Variants in IL2RB observed in about 807,000 individuals in gnomAD.
The protein encoded by IL2RB is interleukin 2 receptor subunit beta, also known as interleukin-2 receptor subunit beta.
In IL2RB, 17 loss-of-function variants were observed where a neutral mutation model predicts 44.2. The ratio of observed to expected loss-of-function variants is 0.38; its 90% CI spans 0.26 to 0.58. The LOEUF is 0.58. IL2RB is among the 20% of genes least tolerant of loss of function. IL2RB has a pLI of 0.63. For synonymous variants in IL2RB, 286 were observed against 297.9 expected (o/e 0.96, Z 0.41); for missense variants, 624 against 685.5 (o/e 0.91, Z 1.00).
At chr22:37,162,440 C>A (rs770760534) in intron 1 of IL2RB, among the ~76,000 whole-genome samples, 68 of 152,234 alleles carry the variant, frequency 4.5e-4, no homozygotes, top group Non-Finnish European at 8.5e-4. Flanking sequence ...TAAATGCGCA[C>A]TTGGAAGGCC....
intron 1 of IL2RB, among the ~76,000 whole-genome samples, chr22:37,147,974 T>C (rs1439141029): frequency 6.6e-6 from 1 of 152,206 alleles, no homozygotes; most frequent in Non-Finnish European, 1.5e-5. Context: ...CAATGTTTTG[T>C]GTGGGTGTCA....
intron 8 of IL2RB, among the ~76,000 whole-genome samples, chr22:37,133,850 C>T (rs773210769): frequency 1.3e-5 from 2 of 152,214 alleles, no homozygotes; most frequent in Admixed American, 6.5e-5. Context: ...GCCACACCAG[C>T]GCCCCTGCAC....
intron 1 of IL2RB, among the ~76,000 whole-genome samples, chr22:37,166,206 G>A (rs1923073854): frequency 6.6e-6 from 1 of 152,148 alleles, no homozygotes; most frequent in African/African-American, 2.4e-5. Context: ...GCTACTGGGG[G>A]GACCCTCAAC....
At chr22:37,137,462 C>T in intron 6 of IL2RB, 125 bp downstream of exon 6, 1 of 969,574 alleles carries the variant, frequency 1.0e-6, no homozygotes, top group African/African-American at 1.6e-5. Flanking sequence ...AGAAAGAGCA[C>T]TGGACTCAGC....
intron 7 of IL2RB, 70 bp from the exon 8 acceptor site, chr22:37,135,512 A>G: frequency 1.1e-6 from 1 of 904,772 alleles, no homozygotes; most frequent in African/African-American, 1.6e-5. Context: ...TGGGTCGGTC[A>G]CCCCAACACC....
chr22:37,144,723 G>C (rs1475667607), intron 1 of IL2RB, among the ~76,000 whole-genome samples: 2 of 152,080 alleles, frequency 1.3e-5, no homozygotes, highest in South Asian at 4.2e-4. Context: ...CAGCCTGGAC[G>C]ACAGAGTAAG....
In IL2RB at chr22:37,136,097, A is replaced by G. The variant is rs1475916619; in HGVS notation, c.703+131T>C. The stretch of plus-strand genomic sequence containing the variant: ...CCTGTCTGAAAAGCGAGCCCCCTGC[A>G]GGGTTACAGCAAGTGAGGGATGGAG... On this transcript the variant is annotated intron_variant, in intron 7 of 9. Coordinates refer to ENST00000216223, the MANE Select transcript of IL2RB (RefSeq NM_000878.5). 1.8e-5 allele frequency: 18 copies of G among 980,988 alleles called. 1 individual carries two copies. The East Asian group carries it at 2.4e-4, about 13-fold the overall frequency. 60.8% of individuals were successfully genotyped at this position (980,988 alleles called of 1,614,324 possible).
At chr22:37,130,439 C>T (rs868706498) in intron 9 of IL2RB, among the ~76,000 whole-genome samples, 1 of 152,224 alleles carries the variant, frequency 6.6e-6, no homozygotes, top group African/African-American at 2.4e-5. Context: ...ACACGTTCCA[C>T]GATCCCCTGG....
At chr22:37,140,324 T>TTATTAC (rs1428163151) in intron 4 of IL2RB, among the ~76,000 whole-genome samples, 1 of 131,696 alleles carries the variant, frequency 7.6e-6, no homozygotes, top group East Asian at 2.2e-4. Flanking sequence ...ATTATTATTA[T>TTATTAC]TATTACTATT....
At chr22:37,154,171 T>C (rs1382327892), upstream of IL2RB, among the ~76,000 whole-genome samples, 1 of 152,122 alleles carries the variant, frequency 6.6e-6, no homozygotes, top group African/African-American at 2.4e-5. Flanking sequence ...GAATGGGGGA[T>C]GGTGCAGCCC....
intron 1 of IL2RB, among the ~76,000 whole-genome samples, chr22:37,155,137 C>T (rs150440445): frequency 1.2e-3 from 179 of 152,248 alleles, no homozygotes; most frequent in African/African-American, 3.3e-3. Context: ...TGAGACAGTA[C>T]GCCAGCAGAA....
upstream of IL2RB, among the ~76,000 whole-genome samples, chr22:37,152,456 C>T (rs1922527777): frequency 6.6e-6 from 1 of 152,148 alleles, no homozygotes; most frequent in Admixed American, 6.5e-5. Context: ...TATCAGTTCT[C>T]ATAGTTTTGT....
intron 1 of IL2RB, among the ~76,000 whole-genome samples, chr22:37,147,411 C>T (rs868821566): frequency 6.6e-6 from 1 of 152,322 alleles, no homozygotes; most frequent in Non-Finnish European, 1.5e-5. Context: ...ACAGCTCACA[C>T]GACAGTAAAT....
In IL2RB at chr22:37,127,141, C is replaced by T. The variant is rs1921156000; in HGVS notation, c.*955G>A. The T allele has an allele frequency of 6.6e-6, 1 of 152,214 alleles. No individual in the cohort carries two copies. The highest frequency in any genetic ancestry group is 2.4e-5 in the African/African-American group (1 of 41,444). The allele number at this position is 152,214 out of a possible 1,614,324, so 9.4% of individuals were successfully genotyped here. Reference sequence around the variant, plus strand: ...TCCAGGGTTTACTCCCCATCAGCTTCTCTTGTGGGTCTGTGAAGCCACTGT... The same window carrying T: ...TCCAGGGTTTACTCCCCATCAGCTTTTCTTGTGGGTCTGTGAAGCCACTGT... On this transcript the variant is annotated 3_prime_UTR_variant, in exon 10 of 10. Coordinates refer to ENST00000216223, the MANE Select transcript of IL2RB (RefSeq NM_000878.5).
chr22:37,154,363 T>C (rs539546073), upstream of IL2RB, among the ~76,000 whole-genome samples: 116 of 152,180 alleles, frequency 7.6e-4, no homozygotes, highest in Non-Finnish European at 1.5e-3. Context: ...GAGGGAAACC[T>C]GGTGGAATGG....
At position 37,136,335 on chromosome 22, in the gene IL2RB, G is replaced by A; in HGVS notation, c.596C>T (p.Thr199Ile). The change falls in exon 7 of 10, where the codon ACC becomes ATC. Residue 199 changes from threonine (T) to isoleucine (I), a missense_variant. Coordinates refer to ENST00000216223, the MANE Select transcript of IL2RB (RefSeq NM_000878.5). ...CTGAAACTCATACTGGGTGTCTGGG[G>A]TGAGCGTCTCCAGGCAGATCCATTC... is the stretch of plus-strand genomic sequence containing the variant. ...KQEWICLETL[T>I]PDTQYEFQVR... is the part of the protein sequence containing the mutation. 1 of 1,613,126 alleles carries A rather than the reference G, an allele frequency of 6.2e-7. No homozygotes were observed.
In IL2RB at chr22:37,139,142, G is replaced by C. The variant is rs532503786; in HGVS notation, c.363C>G (p.Ile121Met). 1.9e-6 allele frequency: 3 copies of C among 1,613,582 alleles called. No homozygotes were observed. Among genetic ancestry groups the C allele is most frequent in the Admixed American group, 1.7e-5 (1 of 60,018 alleles). ...GGTTCTCAAAGGGCTTGAAGTCCTG[G>C]ATGGCCATCACCCTCCATCGCACCC... is the stretch of plus-strand genomic sequence containing the variant. ...REGVRWRVMAIQDFKPFENLR... is the reference protein window; with the variant it reads ...REGVRWRVMAMQDFKPFENLR... Residue 121 changes from isoleucine to methionine, a missense_variant, in exon 5 of 10, where the codon ATC (isoleucine) becomes ATG (methionine). By Grantham distance (10) the Ile-to-Met change is conservative. This residue lies in a region of IL2RB where 255 missense variants were observed against 339.9 expected (regional missense o/e 0.75). Coordinates refer to ENST00000216223, the MANE Select transcript of IL2RB (RefSeq NM_000878.5).
At chr22:37,135,117 G>A (rs1047440051) in intron 8 of IL2RB, among the ~76,000 whole-genome samples, 2 of 152,184 alleles carry the variant, frequency 1.3e-5, no homozygotes, top group African/African-American at 4.8e-5. Flanking sequence ...GCCAGGTTTT[G>A]GACAGGGAGG....
rs146173891 is a variant in IL2RB, at chr22:37,128,751, G to A, written c.1001C>T (p.Thr334Met). The change falls in exon 10 of 10, where the codon ACG becomes ATG. Residue 334 changes from threonine to methionine, a missense_variant. By Grantham distance (81) the Thr-to-Met change is moderately conservative (BLOSUM62 -1). Around this residue, in one of 3 missense-constraint regions of IL2RB, gnomAD observed 291 missense variants for 275.5 expected, o/e 1.06. Coordinates refer to ENST00000216223, the MANE Select transcript of IL2RB (RefSeq NM_000878.5). This position sits in a 1 kb window ranked among gnomAD's most constrained non-coding sequence, Gnocchi z 4.5. ...PLEVLERDKVTQLLLQQDKVP... is the reference protein window; with the variant it reads ...PLEVLERDKVMQLLLQQDKVP... ...CTTGTCCTGCTGCAGGAGCAGCTGC[G>A]TCACCTTGTCCCTCTCCAGCACTTC... The A allele has an allele frequency of 2.6e-4, 419 of 1,614,076 alleles. No individual in the cohort carries two copies. The highest frequency in any genetic ancestry group is 3.1e-4 in the Non-Finnish European group (371 of 1,179,964).
Sources: allele counts gnomAD v4.1 joint callset (sites outside exome capture counted in the v4.1 genomes callset), GRCh38; gene constraint gnomAD v4.1.1; regional missense constraint gnomAD v4.1.1; non-coding constraint Gnocchi (gnomAD v3.1); transcripts MANE v1.5; gene names NCBI Gene and HGNC (gene_info 2026-07-23, HGNC 2026-07-21).